The following TTC28 variants were observed in gnomAD, a reference collection of about 807,000 sequenced individuals.
TTC28 encodes the protein tetratricopeptide repeat domain 28, also known as tetratricopeptide repeat protein 28.
In TTC28, 61 loss-of-function variants were observed where a neutral mutation model predicts 198.0. The ratio of observed to expected loss-of-function variants is 0.31; its 90% CI spans 0.25 to 0.38. TTC28 has a LOEUF of 0.38. Ranked by LOEUF, TTC28 falls within the 10% of genes least tolerant of loss-of-function variation. The pLI is 1.00. For synonymous variants in TTC28, 1,171 were observed against 1,297.8 expected, an observed-to-expected ratio of 0.90 and a Z score of 2.10; for missense variants, 2,678 against 3,164.0, an observed-to-expected ratio of 0.85 and a Z score of 3.69.
In TTC28 at chr22:28,230,756, CT is replaced by C. The variant is rs576777908; in HGVS notation, c.933+65441del. Among the ~76,000 whole-genome samples the C allele has an allele frequency of 3.5e-3, 535 of 152,264 alleles. 1 individual carries two copies. Among genetic ancestry groups the C allele is most frequent in the African/African-American group, 0.012 (504 of 41,560 alleles). ...AGTGTGAGTTGAACCAAAATTTTTT[CT>C]GTATGGGCAGAAAAATTTTATATAA... On this transcript the variant is annotated intron_variant, in intron 5 of 22. Coordinates refer to ENST00000397906, the MANE Select transcript of TTC28 (RefSeq NM_001145418.2).
At chr22:28,427,422 G>A (rs1157378240) in intron 2 of TTC28, among the ~76,000 whole-genome samples, 1 of 152,200 alleles carries the variant, frequency 6.6e-6, no homozygotes, top group Non-Finnish European at 1.5e-5. Context: ...GGGAGGCCGA[G>A]GAGGGCAGAT....
chr22:28,562,402 T>C (rs2049898865), intron 2 of TTC28, among the ~76,000 whole-genome samples: 1 of 152,216 alleles, frequency 6.6e-6, no homozygotes, highest in Non-Finnish European at 1.5e-5. Context: ...TTAGAGACAC[T>C]GTCATGAAGA....
At chr22:28,290,515 C>CA (rs1272175932) in intron 5 of TTC28, among the ~76,000 whole-genome samples, 1 of 151,912 alleles carries the variant, frequency 6.6e-6, no homozygotes, top group Non-Finnish European at 1.5e-5. Flanking sequence ...AGAGAATCAA[C>CA]AAAAAAATAT....
chr22:28,587,379 T>TAAAAAAA (rs1297578430), intron 2 of TTC28, among the ~76,000 whole-genome samples: 1 of 152,124 alleles, frequency 6.6e-6, no homozygotes, highest in Non-Finnish European at 1.5e-5. Flanking sequence ...ATAGTAATAA[T>TAAAAAAA]AATAATTTTA....
intron 2 of TTC28, among the ~76,000 whole-genome samples, chr22:28,405,006 T>C (rs1406865834): frequency 6.6e-6 from 1 of 152,188 alleles, no homozygotes; most frequent in Non-Finnish European, 1.5e-5. Context: ...AGACAAGAGA[T>C]TTTATTGACA....
intron 2 of TTC28, among the ~76,000 whole-genome samples, chr22:28,336,370 A>T (rs1354221684): frequency 6.6e-6 from 1 of 152,200 alleles, no homozygotes; most frequent in African/African-American, 2.4e-5. Flanking sequence ...GTTAGGGAGG[A>T]TTCCCTCTTT....
intron 2 of TTC28, among the ~76,000 whole-genome samples, chr22:28,409,138 T>C (rs1022710430): frequency 7.2e-5 from 11 of 152,190 alleles, no homozygotes; most frequent in South Asian, 2.1e-4. Flanking sequence ...AAATTAGTGA[T>C]AATCATGAGA....
At chr22:28,591,890 T>C (rs1230542939) in intron 2 of TTC28, among the ~76,000 whole-genome samples, 8 of 152,206 alleles carry the variant, frequency 5.3e-5, no homozygotes, top group Admixed American at 4.6e-4. Flanking sequence ...TTGATATTTA[T>C]ATTTAATAAT....
At chr22:28,393,289 A>G (rs2046763890) in intron 2 of TTC28, among the ~76,000 whole-genome samples, 1 of 152,168 alleles carries the variant, frequency 6.6e-6, no homozygotes, top group African/African-American at 2.4e-5. Flanking sequence ...CAAGCTTTCT[A>G]CAGTACCACT....
At chr22:28,015,257 A>G (rs1331357666) in intron 13 of TTC28, among the ~76,000 whole-genome samples, 2 of 152,144 alleles carry the variant, frequency 1.3e-5, no homozygotes, top group African/African-American at 4.8e-5. Context: ...TTTCCAATGC[A>G]GCAACAAGGC....
At chr22:28,391,789 T>G (rs955748447) in intron 2 of TTC28, among the ~76,000 whole-genome samples, 1 of 152,210 alleles carries the variant, frequency 6.6e-6, no homozygotes, top group African/African-American at 2.4e-5. Flanking sequence ...TGATTTGAAT[T>G]TCCTCCCGTA....
chr22:28,294,810 G>A (rs1168306500), intron 5 of TTC28, among the ~76,000 whole-genome samples: 4 of 151,840 alleles, frequency 2.6e-5, no homozygotes, highest in Non-Finnish European at 5.9e-5. Flanking sequence ...CTCATGATCC[G>A]CCTGCCTCAG....
chr22:28,388,722 C>T (rs1477074154), intron 2 of TTC28, among the ~76,000 whole-genome samples: 3 of 152,174 alleles, frequency 2.0e-5, no homozygotes, highest in Non-Finnish European at 4.4e-5. Flanking sequence ...AGTTGCTTAT[C>T]AGCTTAAGGA....
At chr22:28,337,746 G>A (rs2045755468) in intron 2 of TTC28, among the ~76,000 whole-genome samples, 1 of 152,104 alleles carries the variant, frequency 6.6e-6, no homozygotes, top group Non-Finnish European at 1.5e-5. Flanking sequence ...CTGCACGTGA[G>A]ATGGGTTTCC....
intron 2 of TTC28, among the ~76,000 whole-genome samples, chr22:28,488,802 G>C (rs1277141152): frequency 6.6e-6 from 1 of 152,026 alleles, no homozygotes; most frequent in East Asian, 1.9e-4. Flanking sequence ...CTCCAATTTA[G>C]GCCATTACGA....
At chr22:28,267,801 A>C (rs1359580700) in intron 5 of TTC28, among the ~76,000 whole-genome samples, 1 of 152,158 alleles carries the variant, frequency 6.6e-6, no homozygotes, top group Non-Finnish European at 1.5e-5. Context: ...TTCTAAATCC[A>C]AATTTCTTTG....
intron 2 of TTC28, among the ~76,000 whole-genome samples, chr22:28,475,931 C>T (rs1032378194): frequency 6.6e-6 from 1 of 152,094 alleles, no homozygotes; most frequent in Admixed American, 6.5e-5. Context: ...ACAATAATTG[C>T]AAAAATTTCT....
chr22:28,462,463 G>A (rs538271532), intron 2 of TTC28, among the ~76,000 whole-genome samples: 5 of 152,326 alleles, frequency 3.3e-5, no homozygotes, highest in Admixed American at 3.3e-4. Flanking sequence ...ATGTGAGTGA[G>A]AACTAAACCT....
chr22:28,196,317 C>T (rs1255491030), intron 5 of TTC28, among the ~76,000 whole-genome samples: 2 of 152,104 alleles, frequency 1.3e-5, no homozygotes, highest in Non-Finnish European at 2.9e-5. Context: ...AAATGTTAGA[C>T]CTAAAACCAT....
Sources: gnomAD v4.1 joint callset for allele counts (sites outside exome capture counted in the v4.1 genomes callset) on GRCh38, gnomAD v4.1.1 for gene constraint, MANE v1.5 for transcripts, NCBI Gene and HGNC (gene_info 2026-07-23, HGNC 2026-07-21) for gene names.